Variants in CDH12 observed in about 807,000 individuals in gnomAD.
CDH12 encodes the protein cadherin 12.
Under a neutral mutation model 74.1 loss-of-function variants are expected in CDH12, and 41 were observed. The ratio of observed to expected loss-of-function variants is 0.55; its 90% CI spans 0.43 to 0.72. The LOEUF (loss-of-function observed/expected upper bound fraction) is 0.72. CDH12 is among the 30% of genes least tolerant of loss of function. The pLI is 0.00. For missense variants in CDH12, 945 were observed against 977.2 expected, an observed-to-expected ratio of 0.97 and a Z score of 0.44; for synonymous variants, 399 against 355.0, an observed-to-expected ratio of 1.12 and a Z score of -1.39.
chr5:22,078,711 C>T lies in CDH12; in HGVS notation c.-35G>A. The T allele has an allele frequency of 1.2e-6, 2 of 1,605,552 alleles. No homozygotes were observed. Among genetic ancestry groups the T allele is most frequent in the Non-Finnish European group, 1.7e-6 (2 of 1,175,016 alleles). On this transcript the variant is annotated 5_prime_UTR_variant, in exon 5 of 15. Coordinates refer to ENST00000382254, the MANE Select transcript of CDH12 (RefSeq NM_004061.5). ...CTTTCCTACAGCAGAGTAATAAAAACTCCAACACTTAACGTAGAATTGTGG... is the reference window on the plus strand; with the variant it reads ...CTTTCCTACAGCAGAGTAATAAAAATTCCAACACTTAACGTAGAATTGTGG...
chr5:22,813,887 A>G (rs889993336), intron 1 of CDH12, among the ~76,000 whole-genome samples: 1 of 152,176 alleles, frequency 6.6e-6, no homozygotes, highest in Middle Eastern at 3.2e-3. Context: ...ACTCTGCAGC[A>G]AAGGACCCAG....
At chr5:22,382,277 T>C (rs1024930943) in intron 3 of CDH12, among the ~76,000 whole-genome samples, 11 of 147,294 alleles carry the variant, frequency 7.5e-5, no homozygotes, top group Admixed American at 1.4e-4. Flanking sequence ...ATATTATATA[T>C]AGTCTATATA....
At chr5:22,077,637 G>C (rs1742421317) in intron 5 of CDH12, among the ~76,000 whole-genome samples, 1 of 151,824 alleles carries the variant, frequency 6.6e-6, no homozygotes, top group South Asian at 2.1e-4. Flanking sequence ...TTATTTTTGG[G>C]GAAATTTTTT....
chr5:22,155,465 T>C (rs1018240607), intron 4 of CDH12, among the ~76,000 whole-genome samples: 9 of 151,976 alleles, frequency 5.9e-5, no homozygotes, highest in Non-Finnish European at 1.0e-4. Flanking sequence ...AAATTTAGGG[T>C]TTTAAGCAGA....
chr5:22,107,284 A>G (rs545554564), intron 4 of CDH12, among the ~76,000 whole-genome samples: 8 of 148,618 alleles, frequency 5.4e-5, no homozygotes, highest in Non-Finnish European at 9.0e-5. Flanking sequence ...GGCGCCCACC[A>G]CCATGCCTGG....
At chr5:22,402,483 A>C (rs1742769199) in intron 3 of CDH12, among the ~76,000 whole-genome samples, 2 of 152,230 alleles carry the variant, frequency 1.3e-5, no homozygotes, top group Admixed American at 1.3e-4. Context: ...GTAGAAAGCA[A>C]GACTTGCAAG....
At chr5:22,550,709 A>G (rs1039824214) in intron 1 of CDH12, among the ~76,000 whole-genome samples, 5 of 152,220 alleles carry the variant, frequency 3.3e-5, no homozygotes, top group African/African-American at 1.2e-4. Flanking sequence ...TCCAGCATGC[A>G]GAATAATCAT....
At chr5:21,899,671 A>T (rs1753291215) in intron 6 of CDH12, among the ~76,000 whole-genome samples, 1 of 150,580 alleles carries the variant, frequency 6.6e-6, no homozygotes, top group African/African-American at 2.4e-5. Flanking sequence ...TTTATAAAGA[A>T]ATGTATAGAG....
chr5:22,131,557 A>G (rs1455691797), intron 4 of CDH12, among the ~76,000 whole-genome samples: 1 of 152,086 alleles, frequency 6.6e-6, no homozygotes, highest in African/African-American at 2.4e-5. Context: ...CTCCACTCCT[A>G]CTATTCTAGG....
chr5:22,104,379 T>C (rs1561115008), intron 4 of CDH12, among the ~76,000 whole-genome samples: 2 of 152,082 alleles, frequency 1.3e-5, no homozygotes, highest in South Asian at 2.1e-4. Flanking sequence ...ACAGTCTTTG[T>C]GAAGTATGTA....
intron 3 of CDH12, among the ~76,000 whole-genome samples, chr5:22,312,382 C>T (rs1023843670): frequency 2.6e-5 from 4 of 152,154 alleles, no homozygotes; most frequent in South Asian, 2.1e-4. Context: ...AGATAACTCT[C>T]GAAAAATGAT....
At chr5:22,244,740 AAAAG>A (rs200900772) in intron 3 of CDH12, among the ~76,000 whole-genome samples, 8,660 of 92,376 alleles carry the variant, frequency 0.094, 305 homozygotes, top group Middle Eastern at 0.11. Flanking sequence ...AGAAAGAAAG[AAAAG>A]AAAGAAAGAA....
intron 9 of CDH12, 51 bp downstream of exon 9, chr5:21,816,894 C>A: frequency 8.7e-7 from 1 of 1,147,340 alleles, no homozygotes; most frequent in South Asian, 1.8e-5. Context: ...TATTTTTTAT[C>A]TTCTTTAATT....
intron 1 of CDH12, among the ~76,000 whole-genome samples, chr5:22,708,810 A>C (rs543540213): frequency 2.0e-4 from 31 of 152,300 alleles, no homozygotes; most frequent in African/African-American, 7.5e-4. Flanking sequence ...GTTTTCCTAA[A>C]TTTAGAAAAT....
intron 3 of CDH12, among the ~76,000 whole-genome samples, chr5:22,307,873 GTTTTTTT>G (rs35242143): frequency 2.9e-5 from 2 of 68,676 alleles, no homozygotes; most frequent in South Asian, 7.5e-4. Context: ...CTTTCTTTTA[GTTTTTTT>G]TTTTTTTTTT....
chr5:21,951,123 T>C (rs1755840734), intron 6 of CDH12, among the ~76,000 whole-genome samples: 2 of 151,996 alleles, frequency 1.3e-5, no homozygotes, highest in African/African-American at 4.8e-5. Flanking sequence ...AAAAGTCAAA[T>C]TGCATTTTTA....
At chr5:21,813,062 C>G (rs1050564886) in intron 9 of CDH12, among the ~76,000 whole-genome samples, 18 of 152,144 alleles carry the variant, frequency 1.2e-4, no homozygotes, top group Non-Finnish European at 1.5e-4. Context: ...TGTTGCTGTA[C>G]CATCACGTTC....
intron 1 of CDH12, among the ~76,000 whole-genome samples, chr5:22,672,315 G>A (rs1186730601): frequency 4.0e-5 from 6 of 151,394 alleles, no homozygotes; most frequent in African/African-American, 1.5e-4. Context: ...ATAAATGTAG[G>A]GCTTTGGTTT....
chr5:22,648,135 A>G (rs1421020662), intron 1 of CDH12, among the ~76,000 whole-genome samples: 2 of 151,786 alleles, frequency 1.3e-5, no homozygotes, highest in East Asian at 1.9e-4. Context: ...ATAAATTTTG[A>G]CAAAGGCTGA....
Sources: gnomAD v4.1 joint callset for allele counts (sites outside exome capture counted in the v4.1 genomes callset) on GRCh38, gnomAD v4.1.1 for gene constraint, MANE v1.5 for transcripts, NCBI Gene and HGNC (gene_info 2026-07-23, HGNC 2026-07-21) for gene names.